The following PTPRJ variants were observed in gnomAD, a reference collection of about 807,000 sequenced individuals.
PTPRJ encodes protein tyrosine phosphatase receptor type J.
In PTPRJ, 129 loss-of-function variants were observed where a neutral mutation model predicts 141.3. The observed-to-expected ratio is 0.91, with a 90% CI of 0.79 to 1.06. The LOEUF (loss-of-function observed/expected upper bound fraction) is 1.06. Ranked by LOEUF, PTPRJ falls within the 50% of genes least tolerant of loss-of-function variation. The pLI, the probability that PTPRJ is intolerant of heterozygous loss-of-function variation, is 0.00. For missense variants in PTPRJ, 1,601 were observed against 1,679.7 expected, an observed-to-expected ratio of 0.95 and a Z score of 0.82; for synonymous variants, 610 against 640.5, an observed-to-expected ratio of 0.95 and a Z score of 0.72.
intron 1 of PTPRJ, among the ~76,000 whole-genome samples, chr11:48,079,753 C>T (rs528612801): frequency 2.6e-4 from 39 of 152,180 alleles, no homozygotes; most frequent in African/African-American, 9.4e-4. Flanking sequence ...TCAGGCTTTC[C>T]CCCGCTTGCC....
chr11:48,140,723 C>T (rs1380787560), intron 11 of PTPRJ, among the ~76,000 whole-genome samples: 1 of 152,046 alleles, frequency 6.6e-6, no homozygotes, highest in East Asian at 1.9e-4. Context: ...TTCTAGAAGC[C>T]ACACTGAAAA....
At chr11:48,091,004 C>G (rs1160863116) in intron 1 of PTPRJ, among the ~76,000 whole-genome samples, 1 of 152,162 alleles carries the variant, frequency 6.6e-6, no homozygotes, top group South Asian at 2.1e-4. Flanking sequence ...GTTTGTCATA[C>G]CACATTCCGA....
intron 1 of PTPRJ, among the ~76,000 whole-genome samples, chr11:48,063,489 G>A (rs747127039): frequency 6.6e-6 from 1 of 152,208 alleles, no homozygotes; most frequent in Admixed American, 6.5e-5. Flanking sequence ...ATGAATGAAT[G>A]AATGAAAGGT....
chr11:48,115,848 T>A (rs1856552363), intron 3 of PTPRJ, among the ~76,000 whole-genome samples: 1 of 152,198 alleles, frequency 6.6e-6, no homozygotes, highest in Non-Finnish European at 1.5e-5. Flanking sequence ...AAAGTTGTCA[T>A]CAGCATAAAA....
intron 1 of PTPRJ, among the ~76,000 whole-genome samples, chr11:48,090,415 T>C (rs2134297689): frequency 6.6e-6 from 1 of 152,316 alleles, no homozygotes; most frequent in Admixed American, 6.5e-5. Context: ...GCCCGGTGGC[T>C]GGTTTTCACG....
At chr11:48,086,579 C>T (rs1409292108) in intron 1 of PTPRJ, among the ~76,000 whole-genome samples, 1 of 152,210 alleles carries the variant, frequency 6.6e-6, no homozygotes, top group Non-Finnish European at 1.5e-5. Flanking sequence ...AGACTGTCTC[C>T]AACCTGTAGC....
At chr11:48,139,913 C>T in intron 11 of PTPRJ, 137 bp downstream of exon 11, 1 of 911,110 alleles carries the variant, frequency 1.1e-6, no homozygotes, top group Non-Finnish European at 1.6e-6. Context: ...CTTTTACTGA[C>T]ATAGACTGGT....
chr11:47,987,814 C>T (rs1234663551), intron 1 of PTPRJ, among the ~76,000 whole-genome samples: 2 of 152,172 alleles, frequency 1.3e-5, no homozygotes, highest in Non-Finnish European at 1.5e-5. Flanking sequence ...CAGCTGCAGT[C>T]ATCCTATTGT....
intron 1 of PTPRJ, among the ~76,000 whole-genome samples, chr11:48,054,870 A>T (rs1197792834): frequency 4.1e-5 from 6 of 147,858 alleles, no homozygotes; most frequent in African/African-American, 1.5e-4. Flanking sequence ...GTTTGGAAGG[A>T]GTAACTGAAG....
intron 1 of PTPRJ, among the ~76,000 whole-genome samples, chr11:48,093,727 A>T (rs1532754): frequency 0.73 from 110,633 of 151,786 alleles, 41,320 homozygotes; most frequent in South Asian, 0.84. Flanking sequence ...AATAATGTTA[A>T]CTATTTTATC....
chr11:48,052,071 T>C (rs1854585520), intron 1 of PTPRJ, among the ~76,000 whole-genome samples: 1 of 152,212 alleles, frequency 6.6e-6, no homozygotes, highest in African/African-American at 2.4e-5. Flanking sequence ...TCTAAGCTTC[T>C]TGAGGGCAGA....
intron 1 of PTPRJ, among the ~76,000 whole-genome samples, chr11:48,026,458 C>CT (rs1385381711): frequency 6.6e-6 from 1 of 151,612 alleles, no homozygotes; most frequent in Non-Finnish European, 1.5e-5. Flanking sequence ...ATGAGCCTCA[C>CT]TGGGGCTTGA....
intron 1 of PTPRJ, among the ~76,000 whole-genome samples, chr11:48,059,013 C>A (rs1412039498): frequency 3.3e-5 from 5 of 152,134 alleles, no homozygotes; most frequent in Non-Finnish European, 1.5e-5. Flanking sequence ...GGGGCTCTCC[C>A]CACTTCTTCC....
chr11:48,136,477 A>C (rs989813744), intron 9 of PTPRJ, among the ~76,000 whole-genome samples, 181 bp downstream of exon 9: 1 of 152,226 alleles, frequency 6.6e-6, no homozygotes, highest in African/African-American at 2.4e-5. Context: ...TCTTCAAGCT[A>C]TGTGAACTTA....
intron 1 of PTPRJ, among the ~76,000 whole-genome samples, chr11:48,086,435 G>C (rs1358731900): frequency 6.6e-6 from 1 of 152,258 alleles, no homozygotes; most frequent in Non-Finnish European, 1.5e-5. Flanking sequence ...GCCTCCCAAA[G>C]TGTTGGGATT....
At chr11:48,001,616 C>G (rs1224026811) in intron 1 of PTPRJ, among the ~76,000 whole-genome samples, 1 of 152,116 alleles carries the variant, frequency 6.6e-6, no homozygotes, top group Non-Finnish European at 1.5e-5. Flanking sequence ...ACACTGTACC[C>G]AGTGCTTTGT....
intron 8 of PTPRJ, among the ~76,000 whole-genome samples, chr11:48,133,516 AT>A (rs1402038364): frequency 6.6e-6 from 1 of 152,144 alleles, no homozygotes; most frequent in Non-Finnish European, 1.5e-5. Context: ...AATAACCTTT[AT>A]TGTTATTGGA....
intron 1 of PTPRJ, among the ~76,000 whole-genome samples, chr11:48,064,011 AGT>A (rs1354925751): frequency 7.3e-5 from 11 of 150,814 alleles, no homozygotes; most frequent in African/African-American, 2.7e-4. Flanking sequence ...TCTGCCTGAG[AGT>A]TGATTTTCTG....
chr11:48,099,585 C>T (rs1467915626), intron 1 of PTPRJ, among the ~76,000 whole-genome samples: 1 of 152,104 alleles, frequency 6.6e-6, no homozygotes, highest in Non-Finnish European at 1.5e-5. Flanking sequence ...CTCCTCCCGT[C>T]ACTCTCTTCT....
Sources: gnomAD v4.1 joint callset for allele counts (sites outside exome capture counted in the v4.1 genomes callset) on GRCh38, gnomAD v4.1.1 for gene constraint, MANE v1.5 for transcripts, NCBI Gene and HGNC (gene_info 2026-07-23, HGNC 2026-07-21) for gene names.